The following RFNG variants were observed in gnomAD, a reference collection of about 807,000 sequenced individuals.
RFNG encodes the protein beta-1,3-N-acetylglucosaminyltransferase radical fringe.
A neutral mutation model predicts 29.6 loss-of-function variants in RFNG; 37 were observed. The ratio of observed to expected loss-of-function variants is 1.25; its 90% CI spans 0.96 to 1.65. RFNG has a LOEUF of 1.65. Ranked by LOEUF, RFNG falls within the 40% of genes most tolerant of loss-of-function variation. The pLI is 0.00. For missense variants in RFNG, 546 were observed against 457.0 expected, an observed-to-expected ratio of 1.19 and a Z score of -1.78; for synonymous variants, 276 against 197.3, an observed-to-expected ratio of 1.40 and a Z score of -3.34.
chr17:82,049,605 C>A (rs1406472360), intron 6 of RFNG, 72 bp downstream of exon 6: 3 of 1,456,710 alleles, frequency 2.1e-6, no homozygotes, highest in Admixed American at 2.3e-5. Context: ...CGGGCCGGGG[C>A]AGTGGGGCCC....
intron 2 of RFNG, 62 bp from the exon 3 acceptor site, chr17:82,050,826 G>C: frequency 6.5e-7 from 1 of 1,546,272 alleles, no homozygotes; most frequent in African/African-American, 1.4e-5. Flanking sequence ...GGTAAGGCCT[G>C]TGCCCCACCT....
In RFNG at chr17:82,049,500, T is replaced by C. The variant is rs1245011811; in HGVS notation, c.828+177A>G. The C allele has an allele frequency of 4.8e-5, 37 of 769,494 alleles. No individual in the cohort carries two copies. In the Admixed American group the frequency reaches 7.4e-4, roughly 15 times the overall value. The allele number at this position is 769,494 out of a possible 1,614,324, so 47.7% of individuals were successfully genotyped here. A position where few individuals can be genotyped will look rare whatever the true frequency, so the allele number is the denominator to read the frequency against. On this transcript the variant is annotated intron_variant, in intron 6 of 7. Coordinates refer to ENST00000310496, the MANE Select transcript of RFNG (RefSeq NM_002917.2). ...TCTGCCCCAGACACCATACCCCATCTGTACGTGAGGACCCTGTGTCCAACA... is the reference window on the plus strand; with the variant it reads ...TCTGCCCCAGACACCATACCCCATCCGTACGTGAGGACCCTGTGTCCAACA...
intron 4 of RFNG, 167 bp downstream of exon 4, chr17:82,050,235 G>A (rs1598469509): frequency 1.1e-6 from 1 of 877,688 alleles, no homozygotes; most frequent in East Asian, 2.7e-5. Context: ...TACGGTGAGG[G>A]CCTCCTGGCC....
chr17:82,050,885 CT>C, intron 2 of RFNG, 121 bp from the exon 3 acceptor site: 2 of 1,411,968 alleles, frequency 1.4e-6, no homozygotes, highest in Non-Finnish European at 1.9e-6. Flanking sequence ...GCCTGGACAC[CT>C]TGCCTGGGTC....
Position 82,048,597 on chromosome 17 carries a change from G to A in RFNG, c.*129C>T, listed in dbSNP as rs2030067126. ...GAGGGGGGGCTGCAGGCTAGCCAGA[G>A]GGTCTGCCAGGTGCCTGCATCTCAC... is the stretch of plus-strand genomic sequence containing the variant. On this transcript the variant is annotated 3_prime_UTR_variant, in exon 8 of 8. Coordinates refer to ENST00000310496, the MANE Select transcript of RFNG (RefSeq NM_002917.2). 4.1e-6 allele frequency: 3 copies of A among 740,152 alleles called. No individual in the cohort carries two copies. The highest frequency in any genetic ancestry group is 4.7e-6 in the Non-Finnish European group (2 of 423,912). The allele number at this position is 740,152 out of a possible 1,614,324, so 45.8% of individuals were successfully genotyped here.
intron 5 of RFNG, 24 bp from the exon 6 acceptor site, chr17:82,049,866 T>C (rs1490126632): frequency 1.2e-6 from 2 of 1,611,336 alleles, no homozygotes; most frequent in Admixed American, 1.7e-5. Context: ...GGTCAGCACC[T>C]TTCAGGTCTC....
intron 5 of RFNG, 29 bp from the exon 6 acceptor site, chr17:82,049,871 G>A: frequency 1.2e-6 from 2 of 1,611,612 alleles, no homozygotes; most frequent in Middle Eastern, 1.7e-4. Context: ...GCACCTTTCA[G>A]GTCTCAGCCT....
rs1282370148 is a variant in RFNG at position 82,049,138 on chromosome 17, A to G, written c.829-22T>C. 1.9e-6 allele frequency: 3 copies of G among 1,603,558 alleles called. No homozygotes were observed. In the Admixed American group the frequency reaches 5.0e-5, roughly 27 times the overall value. ...TAACCTGGGAGGGAAGGGTGTGGGCAGAGTGTGTGGCCTGGTCTGGTCTCG... is the reference window on the plus strand; with the variant it reads ...TAACCTGGGAGGGAAGGGTGTGGGCGGAGTGTGTGGCCTGGTCTGGTCTCG... On this transcript the variant is annotated intron_variant, in intron 6 of 7. Transcript: ENST00000310496.
chr17:82,051,349 G>A lies in RFNG; in HGVS notation c.268-7C>T, dbSNP rs763681402. 2.7e-6 allele frequency: 4 copies of A among 1,468,196 alleles called. No individual in the cohort carries two copies. Among genetic ancestry groups the A allele is most frequent in the African/African-American group, 1.5e-5 (1 of 67,378 alleles). 90.9% of individuals were successfully genotyped at this position (1,468,196 alleles called of 1,614,324 possible). A position where few individuals can be genotyped will look rare whatever the true frequency, so the allele number is the denominator to read the frequency against. On this transcript the variant is annotated splice_polypyrimidine_tract_variant and splice_region_variant and intron_variant, in intron 1 of 7. Coordinates refer to ENST00000310496, the MANE Select transcript of RFNG (RefSeq NM_002917.2). The surrounding 1 kb of genome is among the most constrained non-coding windows in gnomAD (Gnocchi z 4.1). Reference sequence around the variant, plus strand: ...CGTCGGTGAAGATAAACGTCTGGGGGAGAAACAATCTATGAGGCTTCTGGG... The same window carrying A: ...CGTCGGTGAAGATAAACGTCTGGGGAAGAAACAATCTATGAGGCTTCTGGG...
At position 82,049,998 on chromosome 17, in the gene RFNG, C is replaced by A; in HGVS notation, c.582G>T (p.Thr194=). 6.2e-7 allele frequency: 1 copy of A among 1,610,546 alleles called. No homozygotes were observed. Among genetic ancestry groups the A allele is most frequent in the South Asian group, 1.1e-5 (1 of 90,570 alleles). Residue 194 remains threonine (T), a synonymous_variant, in exon 5 of 8, where the codon ACG becomes ACT. Coordinates refer to ENST00000310496, the MANE Select transcript of RFNG (RefSeq NM_002917.2). ...CACCAGTAGCAAACCAGAACTTGAC[C>A]GTGGTCACCTGAAGATGGGGTGGTG... ...ERVQGGRTVT[T]VKFWFATGGA...
chr17:82,050,004 C>T lies in RFNG; in HGVS notation c.576G>A (p.Val192=). ...ATERVQGGRT[V]TTVKFWFATG... ...TAGCAAACCAGAACTTGACCGTGGT[C>T]ACCTGAAGATGGGGTGGTGGTCAGA... Residue 192 remains valine (V), a splice_region_variant and synonymous_variant, in exon 5 of 8, where the codon GTG becomes GTA. Transcript: ENST00000310496. 6.2e-7 allele frequency: 1 copy of T among 1,608,964 alleles called. No individual in the cohort carries two copies. Among genetic ancestry groups the T allele is most frequent in the Non-Finnish European group, 8.5e-7 (1 of 1,177,884 alleles).
intron 2 of RFNG, chr17:82,050,990 G>A (rs1160014668): frequency 2.1e-6 from 3 of 1,422,340 alleles, no homozygotes; most frequent in Middle Eastern, 2.6e-4. Flanking sequence ...GTGGAAACAG[G>A]ACGGAGGCAG....
rs766933646 is a variant in RFNG at position 82,048,656 on chromosome 17, A to G, written c.*70T>C. The G allele has an allele frequency of 4.3e-4, 555 of 1,276,680 alleles. No homozygotes were observed. Among genetic ancestry groups the G allele is most frequent in the Non-Finnish European group, 5.9e-4 (519 of 883,776 alleles). The allele number at this position is 1,276,680 out of a possible 1,614,324, so 79.1% of individuals were successfully genotyped here. A position where few individuals can be genotyped will look rare whatever the true frequency, so the allele number is the denominator to read the frequency against. On this transcript the variant is annotated 3_prime_UTR_variant, in exon 8 of 8. Coordinates refer to ENST00000310496, the MANE Select transcript of RFNG (RefSeq NM_002917.2). ...CCGTGGCACCTGAGGGAGCCCACTG[A>G]GCCCATAGGGGGCTCTGGTTCCCCG...
In RFNG at chr17:82,051,555, TG is replaced by T; in HGVS notation, c.211del (p.His71ThrfsTer81). ...FIAVKTTRKN[H>X]GPRLRLLLRT... ...CAGCAGCAGCCGCAGGCGCGGCCCG[TG>T]GTTCTTCCGGGTGGTCTTGACGGCG... On this transcript the variant is annotated frameshift_variant, in exon 1 of 8. Coordinates refer to ENST00000310496, the MANE Select transcript of RFNG (RefSeq NM_002917.2). LOFTEE classifies it high-confidence loss of function. This position sits in a 1 kb window ranked among gnomAD's most constrained non-coding sequence, Gnocchi z 4.1. The T allele has an allele frequency of 7.2e-7, 1 of 1,394,546 alleles. No individual in the cohort carries two copies. The highest frequency in any genetic ancestry group is 9.3e-7 in the Non-Finnish European group (1 of 1,070,384). The allele number at this position is 1,394,546 out of a possible 1,614,324, so 86.4% of individuals were successfully genotyped here. A position where few individuals can be genotyped will look rare whatever the true frequency, so the allele number is the denominator to read the frequency against.
intron 7 of RFNG, 99 bp from the exon 8 acceptor site, chr17:82,048,906 A>C: frequency 1.4e-6 from 2 of 1,385,280 alleles, no homozygotes; most frequent in Non-Finnish European, 2.0e-6. Flanking sequence ...GGCCGTGGGT[A>C]CAGGGAGAAG....
chr17:82,050,056 CT>C, intron 4 of RFNG, 50 bp from the exon 5 acceptor site: 1 of 1,463,466 alleles, frequency 6.8e-7, no homozygotes, highest in Non-Finnish European at 9.4e-7. Flanking sequence ...CTTCTCACCC[CT>C]GACTCTTCAT....
At chr17:82,049,273 G>A (rs2030111502) in intron 6 of RFNG, 157 bp from the exon 7 acceptor site, 1 of 718,816 alleles carries the variant, frequency 1.4e-6, no homozygotes, top group Non-Finnish European at 2.5e-6. Context: ...CATGGCATGA[G>A]CTGAGTAGGG....
rs1305791871 is a variant in RFNG at position 82,049,902 on chromosome 17, C to G, written c.662+16G>C. On this transcript the variant is annotated intron_variant, in intron 5 of 7. Transcript: ENST00000310496. ...AGCCTCCGCCTCCCAGCCCGGGCAG[C>G]TGGACCCCCACTCACCTGGCCCATG... The G allele has an allele frequency of 1.2e-6, 2 of 1,611,576 alleles. No individual in the cohort carries two copies. Among genetic ancestry groups the G allele is most frequent in the Non-Finnish European group, 1.7e-6 (2 of 1,179,382 alleles).
At chr17:82,049,346 G>T in intron 6 of RFNG, 1 of 699,806 alleles carries the variant, frequency 1.4e-6, no homozygotes, top group Non-Finnish European at 2.6e-6. Flanking sequence ...GGGCAAAGCT[G>T]ACCCTCATTC....
Sources: gnomAD v4.1 joint callset for allele counts on GRCh38, gnomAD v4.1.1 for gene constraint, Gnocchi (gnomAD v3.1) non-coding constraint, MANE v1.5 for transcripts, NCBI Gene and HGNC (gene_info 2026-07-23, HGNC 2026-07-21) for gene names.